Variants in CDH13 observed in about 807,000 individuals in gnomAD.
The protein encoded by CDH13 is cadherin 13, also known as cadherin-13.
Under a neutral mutation model 63.8 loss-of-function variants are expected in CDH13, and 24 were observed. The ratio of observed to expected loss-of-function variants is 0.38; its 90% CI spans 0.27 to 0.53. The LOEUF is 0.53. CDH13 is among the 20% of genes least tolerant of loss of function. CDH13 has a pLI of 0.85. For missense variants in CDH13, 1,049 were observed against 903.1 expected (o/e 1.16, Z -2.07); for synonymous variants, 503 against 355.3 (o/e 1.42, Z -4.67).
intron 6 of CDH13, among the ~76,000 whole-genome samples, chr16:83,360,739 T>C (rs2091146375): frequency 6.6e-6 from 1 of 152,180 alleles, no homozygotes; most frequent in African/African-American, 2.4e-5. Flanking sequence ...ATTAATTCAA[T>C]AGGATAAAGG....
chr16:83,747,314 GC>G (rs1422297861), intron 10 of CDH13, among the ~76,000 whole-genome samples: 1 of 152,144 alleles, frequency 6.6e-6, no homozygotes, highest in Non-Finnish European at 1.5e-5. Context: ...TCTTTCCCAT[GC>G]TGTTCTCGTG....
chr16:83,362,118 C>G (rs903860015), intron 6 of CDH13, among the ~76,000 whole-genome samples: 1 of 152,094 alleles, frequency 6.6e-6, no homozygotes. Context: ...TCTAACAGAC[C>G]TGCTCATCAA....
intron 8 of CDH13, among the ~76,000 whole-genome samples, chr16:83,667,219 G>T (rs895272722): frequency 2.0e-5 from 3 of 152,118 alleles, no homozygotes; most frequent in African/African-American, 7.2e-5. Context: ...AGAATTCCTA[G>T]CACATCAGCC....
At chr16:83,109,585 A>G (rs370115745) in intron 3 of CDH13, among the ~76,000 whole-genome samples, 12 of 152,170 alleles carry the variant, frequency 7.9e-5, no homozygotes, top group African/African-American at 2.7e-4. Flanking sequence ...CCAGACATTT[A>G]TGAGCTCAGG....
chr16:82,684,851 C>G (rs1014221329), intron 1 of CDH13, among the ~76,000 whole-genome samples: 1 of 152,218 alleles, frequency 6.6e-6, no homozygotes, highest in Non-Finnish European at 1.5e-5. Flanking sequence ...CAGCCTCCTT[C>G]TGAGAGCTGA....
intron 5 of CDH13, among the ~76,000 whole-genome samples, chr16:83,266,684 G>A (rs1907662994): frequency 6.6e-6 from 1 of 152,178 alleles, no homozygotes; most frequent in South Asian, 2.1e-4. Flanking sequence ...CAAACATTAA[G>A]CCAATATTTC....
At chr16:83,267,478 C>T (rs1195829963) in intron 5 of CDH13, among the ~76,000 whole-genome samples, 4 of 152,190 alleles carry the variant, frequency 2.6e-5, no homozygotes, top group Non-Finnish European at 5.9e-5. Context: ...CTCTCCAAAA[C>T]TCACGTTGAA....
chr16:83,150,297 T>G (rs1163277026), intron 4 of CDH13, among the ~76,000 whole-genome samples: 1 of 151,552 alleles, frequency 6.6e-6, no homozygotes, highest in Non-Finnish European at 1.5e-5. Context: ...CATCCCTAAT[T>G]CTCTCTCTCT....
intron 7 of CDH13, among the ~76,000 whole-genome samples, chr16:83,580,618 C>T (rs1268436676): frequency 1.3e-5 from 2 of 151,980 alleles, no homozygotes; most frequent in Non-Finnish European, 2.9e-5. Context: ...CCTTAGCCTT[C>T]CAAGTAGCTG....
intron 2 of CDH13, among the ~76,000 whole-genome samples, chr16:83,030,892 C>G (rs541194195): frequency 1.5e-3 from 226 of 151,912 alleles, no homozygotes; most frequent in Non-Finnish European, 2.5e-3. Flanking sequence ...CCATCCCTGC[C>G]CCGTTTTAAG....
At chr16:82,669,955 C>T (rs1449482204) in intron 1 of CDH13, among the ~76,000 whole-genome samples, 1 of 152,210 alleles carries the variant, frequency 6.6e-6, no homozygotes, top group African/African-American at 2.4e-5. Flanking sequence ...GCAGCCTGTA[C>T]ATTTTCCCTT....
chr16:83,092,965 G>A (rs1014716773), intron 3 of CDH13, among the ~76,000 whole-genome samples: 1 of 152,176 alleles, frequency 6.6e-6, no homozygotes, highest in Admixed American at 6.5e-5. Flanking sequence ...ACTTCCCCAA[G>A]TTAGTAAGGA....
chr16:82,644,553 A>T lies in CDH13; in HGVS notation c.45+17416A>T, dbSNP rs1482424775. ...CTGGTCCCCAGACCAGGCCCAGTGC[A>T]CGAGTTTGGGTGCTGGAAGGGGAGG... is the stretch of plus-strand genomic sequence containing the variant. On this transcript the variant is annotated intron_variant, in intron 1 of 13. Coordinates refer to ENST00000567109, the MANE Select transcript of CDH13 (RefSeq NM_001257.5). This position sits in a 1 kb window ranked among gnomAD's most constrained non-coding sequence, Gnocchi z 5.7. Among the ~76,000 whole-genome samples, 1 of 152,206 alleles carries T rather than the reference A, an allele frequency of 6.6e-6. No homozygotes were observed. Among genetic ancestry groups the T allele is most frequent in the African/African-American group, 2.4e-5 (1 of 41,462 alleles).
At chr16:82,861,561 A>G (rs2039946543) in intron 2 of CDH13, among the ~76,000 whole-genome samples, 1 of 152,040 alleles carries the variant, frequency 6.6e-6, no homozygotes, top group Non-Finnish European at 1.5e-5. Flanking sequence ...ATTTCCTTTT[A>G]TCCTTTTTCA....
rs1262467723 is a variant in CDH13 at position 82,969,525 on chromosome 16, G to A, written c.158-62485G>A. On this transcript the variant is annotated intron_variant, in intron 2 of 13. Transcript: ENST00000567109. ...GCAGCTTTCTAGCTTCTCTCTGGAA[G>A]AGTGGAAAGATGATGGGGCTAGCCC... 1.4e-4 allele frequency among the ~76,000 whole-genome samples: 21 copies of A among 144,878 alleles called. No homozygotes were observed. The Admixed American group carries it at 1.5e-3, about 10-fold the overall frequency.
intron 8 of CDH13, among the ~76,000 whole-genome samples, chr16:83,623,902 C>G (rs552722821): frequency 6.6e-6 from 1 of 152,198 alleles, no homozygotes; most frequent in Non-Finnish European, 1.5e-5. Context: ...AGGAAATTCA[C>G]TTGTATTTTC....
chr16:82,693,148 A>G (rs1377395467), intron 1 of CDH13, among the ~76,000 whole-genome samples: 2 of 152,200 alleles, frequency 1.3e-5, no homozygotes, highest in Non-Finnish European at 2.9e-5. Context: ...GCCAGTTATC[A>G]TGCCATGGAC....
intron 2 of CDH13, among the ~76,000 whole-genome samples, chr16:82,936,748 T>C (rs1000103639): frequency 1.3e-5 from 2 of 152,200 alleles, no homozygotes; most frequent in African/African-American, 4.8e-5. Flanking sequence ...ACTGTGAGAA[T>C]AGGTAGAATC....
intron 4 of CDH13, among the ~76,000 whole-genome samples, chr16:83,166,683 T>G (rs2037686617): frequency 6.6e-6 from 1 of 152,184 alleles, no homozygotes; most frequent in South Asian, 2.1e-4. Context: ...ATAGAGCATC[T>G]CATGTTTACA....
Sources: gnomAD v4.1 joint callset for allele counts (sites outside exome capture counted in the v4.1 genomes callset) on GRCh38, gnomAD v4.1.1 for gene constraint, Gnocchi (gnomAD v3.1) non-coding constraint, MANE v1.5 for transcripts, NCBI Gene and HGNC (gene_info 2026-07-23, HGNC 2026-07-21) for gene names.